The following UBE4B variants were observed in gnomAD, a reference collection of about 807,000 sequenced individuals.
UBE4B encodes the protein ubiquitin conjugation factor E4 B.
In UBE4B, 27 loss-of-function variants were observed where a neutral mutation model predicts 148.1. The ratio of observed to expected loss-of-function variants is 0.18; its 90% CI spans 0.13 to 0.25. The LOEUF (loss-of-function observed/expected upper bound fraction) is 0.25. Among genes scored for constraint, UBE4B ranks in the 10% least tolerant of loss-of-function variants. UBE4B has a pLI of 1.00. For synonymous variants in UBE4B, 596 were observed against 619.3 expected, an observed-to-expected ratio of 0.96 and a Z score of 0.56; for missense variants, 1,170 against 1,662.4, an observed-to-expected ratio of 0.70 and a Z score of 5.15.
chr1:10,091,898 GC>G (rs1425436940), intron 2 of UBE4B, among the ~76,000 whole-genome samples: 1 of 151,912 alleles, frequency 6.6e-6, no homozygotes, highest in African/African-American at 2.4e-5. Context: ...GAGCCACTGC[GC>G]CCGGACTACC....
intron 2 of UBE4B, among the ~76,000 whole-genome samples, chr1:10,086,850 C>A (rs188350800): frequency 2.0e-5 from 3 of 152,018 alleles, no homozygotes; most frequent in African/African-American, 7.3e-5. Flanking sequence ...CCACCACGCC[C>A]GGCTAATTTT....
intron 21 of UBE4B, among the ~76,000 whole-genome samples, chr1:10,151,844 T>C (rs560909809): frequency 7.6e-4 from 116 of 151,786 alleles, no homozygotes; most frequent in Non-Finnish European, 1.4e-3. Context: ...CACAAGTTGG[T>C]AGTGTTATCT....
intron 10 of UBE4B, among the ~76,000 whole-genome samples, chr1:10,124,924 G>A (rs569026028): frequency 5.4e-4 from 82 of 152,134 alleles, no homozygotes; most frequent in Non-Finnish European, 8.4e-4. Context: ...TCAGGAGTTC[G>A]AGACCAGGCT....
chr1:10,094,577 G>A (rs1644900104), intron 2 of UBE4B, among the ~76,000 whole-genome samples: 1 of 151,536 alleles, frequency 6.6e-6, no homozygotes, highest in East Asian at 1.9e-4. Context: ...GGGACTACAG[G>A]CGCCCGCCAC....
chr1:10,146,162 G>T (rs928748935), intron 18 of UBE4B, among the ~76,000 whole-genome samples: 1 of 152,114 alleles, frequency 6.6e-6, no homozygotes, highest in Non-Finnish European at 1.5e-5. Context: ...TCTATAAACT[G>T]CTTAAATTGC....
At chr1:10,142,142 C>T (rs1645792878) in intron 17 of UBE4B, among the ~76,000 whole-genome samples, 1 of 152,046 alleles carries the variant, frequency 6.6e-6, no homozygotes, top group Admixed American at 6.6e-5. Context: ...TGTTTTTCTA[C>T]TCAGAGCCTT....
chr1:10,102,497 G>A (rs1349715160), intron 4 of UBE4B, among the ~76,000 whole-genome samples: 2 of 131,272 alleles, frequency 1.5e-5, no homozygotes, highest in Non-Finnish European at 1.6e-5. Context: ...CACAACCTCC[G>A]CCTCCTGGGT....
intron 19 of UBE4B, among the ~76,000 whole-genome samples, chr1:10,148,919 G>T (rs908551557): frequency 2.6e-5 from 4 of 152,158 alleles, no homozygotes; most frequent in African/African-American, 9.7e-5. Context: ...CAGCCTGGGT[G>T]ACAGAGTGAG....
chr1:10,107,379 C>T lies in UBE4B; in HGVS notation c.1196+796C>T, dbSNP rs762082235. The T allele has an allele frequency of 8.2e-5, 106 of 1,286,880 alleles. No individual in the cohort carries two copies. In the African/African-American group the frequency reaches 1.5e-3, roughly 18 times the overall value. The allele number at this position is 1,286,880 out of a possible 1,614,324, so 79.7% of individuals were successfully genotyped here. On this transcript the variant is annotated intron_variant, in intron 7 of 27. Coordinates refer to ENST00000343090, the MANE Select transcript of UBE4B (RefSeq NM_001105562.3). Reference sequence around the variant, plus strand: ...TTGTGTCCAGTTTGGGTCCAGGTATCAGAGGAATGGAGTCTTACCCCTGCA... The same window carrying T: ...TTGTGTCCAGTTTGGGTCCAGGTATTAGAGGAATGGAGTCTTACCCCTGCA...
chr1:10,037,657 A>G (rs1289941175), intron 1 of UBE4B, among the ~76,000 whole-genome samples: 1 of 152,074 alleles, frequency 6.6e-6, no homozygotes, highest in Non-Finnish European at 1.5e-5. Context: ...TCCTGGGCTC[A>G]AGTGATCCTC....
intron 2 of UBE4B, among the ~76,000 whole-genome samples, chr1:10,080,485 A>G (rs892437742): frequency 6.6e-6 from 1 of 152,086 alleles, no homozygotes. Flanking sequence ...TTATATAGCC[A>G]TTTTACAAAA....
intron 7 of UBE4B, chr1:10,107,083 A>C (rs780316678): frequency 1.5e-6 from 1 of 647,738 alleles, no homozygotes; most frequent in Non-Finnish European, 2.3e-6. Flanking sequence ...TCTATAATTT[A>C]GGTGAATTAT....
intron 3 of UBE4B, among the ~76,000 whole-genome samples, chr1:10,097,677 G>C (rs1275833987): frequency 6.6e-6 from 1 of 152,014 alleles, no homozygotes; most frequent in African/African-American, 2.4e-5. Context: ...GGGCATGGTG[G>C]CATGTACCTG....
At chr1:10,055,283 C>A (rs931776504) in intron 1 of UBE4B, among the ~76,000 whole-genome samples, 7 of 151,268 alleles carry the variant, frequency 4.6e-5, no homozygotes, top group Non-Finnish European at 1.0e-4. Context: ...TTTTTCTTTT[C>A]TTTTCTTTTC....
intron 1 of UBE4B, among the ~76,000 whole-genome samples, chr1:10,050,407 C>T (rs1196543363): frequency 6.6e-6 from 1 of 152,132 alleles, no homozygotes; most frequent in Admixed American, 6.6e-5. Context: ...CAGGCATAGC[C>T]AAATGTGTGA....
At chr1:10,162,697 C>G (rs958592778) in intron 23 of UBE4B, among the ~76,000 whole-genome samples, 1 of 151,204 alleles carries the variant, frequency 6.6e-6, no homozygotes, top group Non-Finnish European at 1.5e-5. Flanking sequence ...ATGGGTATAC[C>G]GTGATGCTGA....
chr1:10,092,388 C>G (rs1644861569), intron 2 of UBE4B, among the ~76,000 whole-genome samples: 1 of 151,958 alleles, frequency 6.6e-6, no homozygotes, highest in Non-Finnish European at 1.5e-5. Flanking sequence ...CCACGCCCAG[C>G]TAATGTTTGT....
intron 25 of UBE4B, among the ~76,000 whole-genome samples, chr1:10,178,032 A>T (rs1646452313): frequency 6.6e-6 from 1 of 151,910 alleles, no homozygotes; most frequent in Non-Finnish European, 1.5e-5. Context: ...TGGGGACATA[A>T]ATCGTGTCTG....
chr1:10,053,329 T>G (rs1644091061), intron 1 of UBE4B, among the ~76,000 whole-genome samples: 1 of 151,948 alleles, frequency 6.6e-6, no homozygotes. Context: ...TTTTGTATTT[T>G]TAGTAGAGAC....
Sources: allele counts gnomAD v4.1 joint callset (sites outside exome capture counted in the v4.1 genomes callset), GRCh38; gene constraint gnomAD v4.1.1; transcripts MANE v1.5; gene names NCBI Gene and HGNC (gene_info 2026-07-23, HGNC 2026-07-21).